ZNF367: variants seen among roughly 807,000 people sequenced by gnomAD.
ZNF367 encodes zinc finger protein 367.
A neutral mutation model predicts 31.8 loss-of-function variants in ZNF367; 11 were observed. That is an observed-to-expected ratio of 0.35 (90% CI 0.22 to 0.57). ZNF367 has a LOEUF of 0.57. Ranked by LOEUF, ZNF367 falls within the 20% of genes least tolerant of loss-of-function variation. The probability of loss-of-function intolerance (pLI) is 0.85; values close to 1 mark genes in which losing one functional copy is unlikely to be tolerated. For synonymous variants in ZNF367, 199 were observed against 202.4 expected (o/e 0.98, Z 0.14); for missense variants, 353 against 484.1 (o/e 0.73, Z 2.54).
chr9:96,408,237 T>A (rs1048106201), intron 1 of ZNF367, among the ~76,000 whole-genome samples: 33 of 152,210 alleles, frequency 2.2e-4, no homozygotes, highest in African/African-American at 7.7e-4. Flanking sequence ...AAATATTTTT[T>A]AAAAAACAAT....
intron 1 of ZNF367, among the ~76,000 whole-genome samples, chr9:96,398,548 T>C (rs1402967729): frequency 6.6e-6 from 1 of 152,076 alleles, no homozygotes; most frequent in Non-Finnish European, 1.5e-5. Flanking sequence ...AAAGCCTTTC[T>C]TAAGGGACAT....
chr9:96,410,905 A>C (rs896128927), intron 1 of ZNF367, among the ~76,000 whole-genome samples: 6 of 150,768 alleles, frequency 4.0e-5, no homozygotes, highest in African/African-American at 1.2e-4. Context: ...CAAAACAAAA[A>C]AAACATAGTG....
intron 1 of ZNF367, among the ~76,000 whole-genome samples, chr9:96,410,365 T>C (rs1281303845): frequency 6.8e-6 from 1 of 147,806 alleles, no homozygotes; most frequent in Non-Finnish European, 1.5e-5. Context: ...ATCGAGACCA[T>C]CCTGGCTAAC....
chr9:96,403,097 G>C (rs1195439150), intron 1 of ZNF367, among the ~76,000 whole-genome samples: 1 of 152,036 alleles, frequency 6.6e-6, no homozygotes, highest in Non-Finnish European at 1.5e-5. Context: ...AGCCTCCTGA[G>C]CAGCTGGGAC....
intron 1 of ZNF367, among the ~76,000 whole-genome samples, chr9:96,416,084 G>GTT (rs1564146300): frequency 2.3e-5 from 3 of 131,226 alleles, no homozygotes; most frequent in South Asian, 2.4e-4. Context: ...TTTTTTTTTT[G>GTT]TTGTTTTTTT....
intron 1 of ZNF367, among the ~76,000 whole-genome samples, 199 bp from the exon 2 acceptor site, chr9:96,398,513 T>G (rs1029970128): frequency 2.0e-5 from 3 of 152,128 alleles, no homozygotes; most frequent in African/African-American, 7.2e-5. Flanking sequence ...CAAAACATTT[T>G]TGTTTTGTCT....
At chr9:96,398,029 G>A (rs1187176657) in intron 2 of ZNF367, 135 bp downstream of exon 2, 2 of 785,814 alleles carry the variant, frequency 2.5e-6, no homozygotes, top group East Asian at 5.7e-5. Flanking sequence ...GGCGGAGCTT[G>A]CAGTAAGCCA....
At chr9:96,415,655 G>A (rs1026952657) in intron 1 of ZNF367, among the ~76,000 whole-genome samples, 1 of 150,754 alleles carries the variant, frequency 6.6e-6, no homozygotes, top group African/African-American at 2.4e-5. Flanking sequence ...CCGCCACCAC[G>A]TCCGGCGAAT....
intron 4 of ZNF367, among the ~76,000 whole-genome samples, chr9:96,388,841 C>T (rs1831435577): frequency 6.6e-6 from 1 of 152,194 alleles, no homozygotes; most frequent in Non-Finnish European, 1.5e-5. Context: ...CTTCTGACAG[C>T]GTTAACGCTG....
Position 96,417,913 on chromosome 9 carries a change from G to T in ZNF367, c.120C>A (p.Ile40=), listed in dbSNP as rs1196480227. 3.9e-6 allele frequency: 6 copies of T among 1,531,208 alleles called. No homozygotes were observed. The highest frequency in any genetic ancestry group is 5.2e-6 in the Non-Finnish European group (6 of 1,148,746). The allele number at this position is 1,531,208 out of a possible 1,614,324, so 94.9% of individuals were successfully genotyped here. ...CCCCTCCACCGCCGCACGTTGGCTTGATCGGGGTCGTCCTGATGACCGACA... is the reference window on the plus strand; with the variant it reads ...CCCCTCCACCGCCGCACGTTGGCTTTATCGGGGTCGTCCTGATGACCGACA... ...VLVSVIRTTP[I]KPTCGGGGEP... Residue 40 remains isoleucine (I), a synonymous_variant, in exon 1 of 5, where the codon ATC becomes ATA. Transcript: ENST00000375256. This position sits in a 1 kb window ranked among gnomAD's most constrained non-coding sequence, Gnocchi z 5.0.
chr9:96,399,019 T>C lies in ZNF367; in HGVS notation c.421-705A>G, dbSNP rs149906659. On this transcript the variant is annotated intron_variant, in intron 1 of 4. Transcript: ENST00000375256. ...AGCCACCTGGGGCAAAAGATTTCAGTTGAAGCAAACAGACACACCAACAGC... is the reference window on the plus strand; with the variant it reads ...AGCCACCTGGGGCAAAAGATTTCAGCTGAAGCAAACAGACACACCAACAGC... 4.4e-3 allele frequency among the ~76,000 whole-genome samples: 673 copies of C among 152,212 alleles called. 5 individuals carry two copies. Among genetic ancestry groups the C allele is most frequent in the African/African-American group, 0.016 (646 of 41,540 alleles).
Position 96,392,421 on chromosome 9 carries a change from CTTG to C in ZNF367, c.804_806del (p.Asn268del). 6.2e-7 allele frequency: 1 copy of C among 1,614,238 alleles called. No individual in the cohort carries two copies. Among genetic ancestry groups the C allele is most frequent in the Non-Finnish European group, 8.5e-7 (1 of 1,180,046 alleles). On this transcript the variant is annotated inframe_deletion, in exon 4 of 5. Transcript: ENST00000375256. ...ACCTCGCCAGCCACTCGGCCGCGGC[CTTG>C]TTGTCGGCAGCCTGATGTTTGCTGA...
intron 4 of ZNF367, among the ~76,000 whole-genome samples, chr9:96,389,498 G>A (rs1237331046): frequency 1.3e-5 from 2 of 151,960 alleles, no homozygotes; most frequent in Non-Finnish European, 1.5e-5. Flanking sequence ...GATCAGTGTT[G>A]TATGGGGGGA....
intron 1 of ZNF367, among the ~76,000 whole-genome samples, chr9:96,401,266 G>A (rs970511103): frequency 3.9e-5 from 6 of 152,034 alleles, no homozygotes; most frequent in African/African-American, 1.2e-4. Flanking sequence ...AGGGGTCCTC[G>A]ATAAGATTAA....
rs1587752414 is a variant in ZNF367 at position 96,417,482 on chromosome 9, A to C, written c.420+131T>G. Reference sequence around the variant, plus strand: ...GTTTTTGGCGCGCGGCAGTGACGTCAGCATCCTGTCAGCCGCAGCCCCCGC... The same window carrying C: ...GTTTTTGGCGCGCGGCAGTGACGTCCGCATCCTGTCAGCCGCAGCCCCCGC... On this transcript the variant is annotated intron_variant, in intron 1 of 4. Coordinates refer to ENST00000375256, the MANE Select transcript of ZNF367 (RefSeq NM_153695.4). The surrounding 1 kb of genome is among the most constrained non-coding windows in gnomAD (Gnocchi z 5.0). The C allele has an allele frequency of 4.1e-6, 1 of 243,692 alleles. No individual in the cohort carries two copies. The highest frequency in any genetic ancestry group is 7.9e-5 in the East Asian group (1 of 12,734). 15.1% of individuals were successfully genotyped at this position (243,692 alleles called of 1,614,324 possible).
rs1831431976 is a variant in ZNF367 at position 96,388,565 on chromosome 9, A to G, written c.831-106T>C. 6.0e-6 allele frequency: 6 copies of G among 996,360 alleles called. No homozygotes were observed. In the South Asian group the frequency reaches 6.8e-5, roughly 11 times the overall value. 61.7% of individuals were successfully genotyped at this position (996,360 alleles called of 1,614,324 possible). A position where few individuals can be genotyped will look rare whatever the true frequency, so the allele number is the denominator to read the frequency against. ...CCACAATATTACTTTTATGTGGTTC[A>G]GTTTATAAAGTTATAAAGTGATTTA... is the stretch of plus-strand genomic sequence containing the variant. On this transcript the variant is annotated intron_variant, in intron 4 of 4. Coordinates refer to ENST00000375256, the MANE Select transcript of ZNF367 (RefSeq NM_153695.4).
chr9:96,414,611 G>T (rs1831794032), intron 1 of ZNF367, among the ~76,000 whole-genome samples: 1 of 152,100 alleles, frequency 6.6e-6, no homozygotes, highest in Non-Finnish European at 1.5e-5. Flanking sequence ...CCAAGTAGCT[G>T]GGACTACAGG....
intron 1 of ZNF367, among the ~76,000 whole-genome samples, chr9:96,409,471 T>C (rs1286593593): frequency 6.6e-6 from 1 of 152,200 alleles, no homozygotes; most frequent in Non-Finnish European, 1.5e-5. Context: ...CATCTTGAAG[T>C]TGCATTCTGC....
intron 1 of ZNF367, among the ~76,000 whole-genome samples, chr9:96,411,855 T>TCTGG (rs1255467503): frequency 1.3e-5 from 2 of 152,184 alleles, no homozygotes; most frequent in Non-Finnish European, 1.5e-5. Context: ...TGAGATGGAC[T>TCTGG]CTGGCTCTGT....
Sources: allele counts gnomAD v4.1 joint callset (sites outside exome capture counted in the v4.1 genomes callset), GRCh38; gene constraint gnomAD v4.1.1; non-coding constraint Gnocchi (gnomAD v3.1); transcripts MANE v1.5; gene names NCBI Gene and HGNC (gene_info 2026-07-23, HGNC 2026-07-21).